The following DISC1 variants were observed in gnomAD, a reference collection of about 807,000 sequenced individuals.
DISC1 encodes the protein disrupted in schizophrenia 1 protein.
Under a neutral mutation model 84.5 loss-of-function variants are expected in DISC1, and 57 were observed. The observed-to-expected ratio is 0.67, with a 90% CI of 0.55 to 0.84. The LOEUF (loss-of-function observed/expected upper bound fraction) is 0.84. Among genes scored for constraint, DISC1 ranks in the 40% least tolerant of loss-of-function variants. DISC1 has a pLI of 0.00. For missense variants in DISC1, 1,000 were observed against 1,057.8 expected, an observed-to-expected ratio of 0.95 and a Z score of 0.76; for synonymous variants, 411 against 415.2, an observed-to-expected ratio of 0.99 and a Z score of 0.12.
chr1:231,738,952 G>A (rs1293154223), intron 3 of DISC1, among the ~76,000 whole-genome samples: 1 of 152,176 alleles, frequency 6.6e-6, no homozygotes, highest in Admixed American at 6.5e-5. Flanking sequence ...ACAGGATGCT[G>A]TAGACACATC....
chr1:231,888,962 C>T (rs146342126), intron 9 of DISC1, among the ~76,000 whole-genome samples: 3 of 152,198 alleles, frequency 2.0e-5, no homozygotes, highest in Admixed American at 6.5e-5. Context: ...TCTCCATATG[C>T]GATCCTTTGA....
At chr1:231,862,107 T>C (rs2084710363) in intron 9 of DISC1, among the ~76,000 whole-genome samples, 1 of 152,194 alleles carries the variant, frequency 6.6e-6, no homozygotes, top group African/African-American at 2.4e-5. Context: ...CCACCACACC[T>C]GACAACAGTT....
intron 1 of DISC1, among the ~76,000 whole-genome samples, chr1:231,685,860 C>G (rs536952516): frequency 6.6e-6 from 1 of 152,290 alleles, no homozygotes; most frequent in East Asian, 1.9e-4. Flanking sequence ...TTAGTTACTT[C>G]CTAGATACAA....
chr1:231,995,149 C>A (rs1271521517), intron 10 of DISC1, among the ~76,000 whole-genome samples: 4 of 151,738 alleles, frequency 2.6e-5, no homozygotes, highest in African/African-American at 9.7e-5. Context: ...TGTCTAATAA[C>A]AACATTTTTT....
chr1:231,977,317 C>T (rs1662952129), intron 10 of DISC1, among the ~76,000 whole-genome samples: 1 of 152,180 alleles, frequency 6.6e-6, no homozygotes, highest in Non-Finnish European at 1.5e-5. Flanking sequence ...ATAATCAAGT[C>T]CACTGGATAA....
At chr1:231,784,167 G>T (rs921574402) in intron 6 of DISC1, among the ~76,000 whole-genome samples, 4 of 151,800 alleles carry the variant, frequency 2.6e-5, no homozygotes, top group Non-Finnish European at 4.4e-5. Context: ...GGAGGCTGAG[G>T]CAGTACAATC....
chr1:231,889,889 C>T (rs1266295558), intron 9 of DISC1, among the ~76,000 whole-genome samples: 3 of 152,154 alleles, frequency 2.0e-5, no homozygotes, highest in Non-Finnish European at 4.4e-5. Flanking sequence ...TCAAAAATTA[C>T]CTTCACAAAA....
At chr1:231,666,451 A>G (rs939497996) in intron 1 of DISC1, among the ~76,000 whole-genome samples, 55 of 152,280 alleles carry the variant, frequency 3.6e-4, no homozygotes, top group African/African-American at 1.3e-3. Context: ...GGGCCATGGG[A>G]ACTTCTCCCT....
At chr1:232,001,085 T>G (rs1382740052) in intron 10 of DISC1, among the ~76,000 whole-genome samples, 4 of 147,488 alleles carry the variant, frequency 2.7e-5, no homozygotes, top group African/African-American at 5.1e-5. Context: ...AGTATTTTAT[T>G]TTATTTTATT....
At chr1:231,676,005 C>T (rs1256735256) in intron 1 of DISC1, among the ~76,000 whole-genome samples, 1 of 152,090 alleles carries the variant, frequency 6.6e-6, no homozygotes, top group Non-Finnish European at 1.5e-5. Context: ...TGCGCCTCCA[C>T]ACCCAGCTAA....
chr1:231,722,632 C>A lies in DISC1; in HGVS notation c.1117+20608C>A, dbSNP rs1334957676. The A allele has an allele frequency of 4.3e-6, 7 of 1,613,790 alleles. No homozygotes were observed. The East Asian group carries it at 1.6e-4, about 36-fold the overall frequency. On this transcript the variant is annotated intron_variant, in intron 3 of 12. Coordinates refer to ENST00000439617, the MANE Select transcript of DISC1 (RefSeq NM_018662.3). ...CTTCCCAAATTTAAACAAAGCAAGACAAATAGATATCCACACAGCGTAGAT... is the reference window on the plus strand; with the variant it reads ...CTTCCCAAATTTAAACAAAGCAAGAAAAATAGATATCCACACAGCGTAGAT...
intron 1 of DISC1, among the ~76,000 whole-genome samples, chr1:231,658,455 T>G (rs944348944): frequency 3.3e-5 from 5 of 152,202 alleles, no homozygotes; most frequent in Admixed American, 6.5e-5. Context: ...CTCTTCCTAT[T>G]TGAACACCCT....
At chr1:231,850,789 C>G (rs963391698) in intron 9 of DISC1, among the ~76,000 whole-genome samples, 2 of 152,196 alleles carry the variant, frequency 1.3e-5, no homozygotes, top group African/African-American at 4.8e-5. Context: ...GTCTTTGGTT[C>G]ATTTTTTATT....
intron 10 of DISC1, among the ~76,000 whole-genome samples, chr1:232,001,502 C>A (rs897892255): frequency 1.3e-5 from 2 of 152,142 alleles, no homozygotes; most frequent in East Asian, 1.9e-4. Flanking sequence ...ATACACAGAG[C>A]AATTATTATG....
intron 6 of DISC1, among the ~76,000 whole-genome samples, chr1:231,793,229 GCACACTTTCCCTTCCCCTCC>G (rs2078485990): frequency 6.6e-6 from 1 of 152,082 alleles, no homozygotes; most frequent in Non-Finnish European, 1.5e-5. Flanking sequence ...CTGACACCCT[GCACACTTTCCCTTCCCCTCC>G]CAACACATAC....
intron 10 of DISC1, among the ~76,000 whole-genome samples, chr1:231,991,600 A>G (rs1277364156): frequency 6.6e-6 from 1 of 152,234 alleles, no homozygotes; most frequent in Admixed American, 6.5e-5. Context: ...AGGGATATCT[A>G]TGCAAAGAGG....
chr1:231,739,157 G>A (rs564036318), intron 3 of DISC1, among the ~76,000 whole-genome samples: 1 of 152,220 alleles, frequency 6.6e-6, no homozygotes, highest in Non-Finnish European at 1.5e-5. Context: ...TGCTTCCTTC[G>A]CTATTTCCAT....
In DISC1 at chr1:231,863,824, A is replaced by G. The variant is rs75262721; in HGVS notation, c.1981+45307A>G. ...GGTCTAGTCTACTGCCAGTTTCTCC[A>G]GGAACAATGTGGAGGAAAAGGACCA... On this transcript the variant is annotated intron_variant, in intron 9 of 12. Transcript: ENST00000439617. 3.6e-3 allele frequency among the ~76,000 whole-genome samples: 548 copies of G among 152,330 alleles called. 1 individual carries two copies. Among genetic ancestry groups the G allele is most frequent in the African/African-American group, 0.012 (516 of 41,576 alleles).
chr1:231,906,807 GA>G (rs938151552), intron 9 of DISC1, among the ~76,000 whole-genome samples: 7 of 151,068 alleles, frequency 4.6e-5, no homozygotes, highest in Middle Eastern at 3.4e-3. Context: ...TATTAGGGGA[GA>G]AAAAAGGAAG....
Sources: allele counts gnomAD v4.1 joint callset (sites outside exome capture counted in the v4.1 genomes callset), GRCh38; gene constraint gnomAD v4.1.1; transcripts MANE v1.5; gene names NCBI Gene and HGNC (gene_info 2026-07-23, HGNC 2026-07-21).